Variants in DPF3 observed in about 807,000 individuals in gnomAD.
DPF3 encodes zinc finger protein DPF3.
Under a neutral mutation model 56.8 loss-of-function variants are expected in DPF3, and 18 were observed. The observed-to-expected ratio is 0.32, with a 90% CI of 0.22 to 0.47. DPF3 has a LOEUF of 0.47. Among genes scored for constraint, DPF3 ranks in the 20% least tolerant of loss-of-function variants. The pLI, the probability that DPF3 is intolerant of heterozygous loss-of-function variation, is 1.00. For synonymous variants in DPF3, 188 were observed against 180.2 expected (o/e 1.04, Z -0.35); for missense variants, 403 against 488.8 (o/e 0.82, Z 1.65).
intron 7 of DPF3, among the ~76,000 whole-genome samples, chr14:72,678,880 A>C (rs931874663): frequency 2.6e-5 from 4 of 152,218 alleles, no homozygotes; most frequent in African/African-American, 2.4e-5. Context: ...GAGGGAGATA[A>C]CTCTAAAAAG....
chr14:72,723,753 A>T, intron 4 of DPF3, 25 bp from the exon 5 acceptor site: 1 of 1,564,970 alleles, frequency 6.4e-7, no homozygotes, highest in South Asian at 1.2e-5. Flanking sequence ...AAAAATAGAA[A>T]AGGTGAGAAA....
intron 8 of DPF3, among the ~76,000 whole-genome samples, chr14:72,636,806 A>G (rs1567185714): frequency 6.6e-6 from 1 of 152,222 alleles, no homozygotes; most frequent in South Asian, 2.1e-4. Flanking sequence ...AGGCATCTGA[A>G]TGGCTCCCTT....
intron 7 of DPF3, among the ~76,000 whole-genome samples, chr14:72,688,359 T>C (rs1887525733): frequency 6.6e-6 from 1 of 151,764 alleles, no homozygotes; most frequent in East Asian, 1.9e-4. Flanking sequence ...GATGGATGGA[T>C]GCATGGATGG....
intron 9 of DPF3, among the ~76,000 whole-genome samples, chr14:72,626,447 T>C (rs1884834190): frequency 6.6e-6 from 1 of 152,130 alleles, no homozygotes; most frequent in Non-Finnish European, 1.5e-5. Flanking sequence ...AGATATTCTA[T>C]TTTACTTTGC....
intron 1 of DPF3, among the ~76,000 whole-genome samples, chr14:72,814,120 G>T (rs17181902): frequency 0.047 from 7,215 of 152,132 alleles, 246 homozygotes; most frequent in Non-Finnish European, 0.076. Flanking sequence ...CATGTTGCAG[G>T]CGACGTGGCC....
chr14:72,771,549 C>T lies in DPF3; in HGVS notation c.193+184G>A, dbSNP rs550045733. On this transcript the variant is annotated intron_variant, in intron 2 of 10. Transcript: ENST00000556509. ...GCCCCACACCATCCTTGTCACATTC[C>T]TTGAAACACCTGCCAGGAGCCATAA... Among the ~76,000 whole-genome samples, 56 of 149,474 alleles carry T rather than the reference C, an allele frequency of 3.7e-4. No individual in the cohort carries two copies. In the South Asian group the frequency reaches 0.012, roughly 32 times the overall value.
intron 1 of DPF3, among the ~76,000 whole-genome samples, chr14:72,853,761 G>C (rs150234896): frequency 6.6e-6 from 1 of 152,020 alleles, no homozygotes; most frequent in Non-Finnish European, 1.5e-5. Flanking sequence ...CACCATGCCC[G>C]GCCTGCTACC....
At chr14:72,719,801 A>G (rs927725678) in intron 5 of DPF3, among the ~76,000 whole-genome samples, 1 of 152,176 alleles carries the variant, frequency 6.6e-6, no homozygotes, top group African/African-American at 2.4e-5. Flanking sequence ...CTTACTGATG[A>G]AGAAACTGAG....
In DPF3 at chr14:72,662,415, G is replaced by A; in HGVS notation, c.871+11825C>T. 4 of 984,852 alleles carry A rather than the reference G, an allele frequency of 4.1e-6. No homozygotes were observed. In the South Asian group the frequency reaches 1.9e-4, roughly 46 times the overall value. The allele number at this position is 984,852 out of a possible 1,614,324, so 61.0% of individuals were successfully genotyped here. A position where few individuals can be genotyped will look rare whatever the true frequency, so the allele number is the denominator to read the frequency against. On this transcript the variant is annotated intron_variant, in intron 8 of 10. Transcript: ENST00000556509. ...ACTTTAAACAAAAATACTGTGCCATGTCAGCACTTTTTTCCTTTTAAATAT... is the reference window on the plus strand; with the variant it reads ...ACTTTAAACAAAAATACTGTGCCATATCAGCACTTTTTTCCTTTTAAATAT...
chr14:72,670,164 T>G, intron 8 of DPF3: 1 of 985,842 alleles, frequency 1.0e-6, no homozygotes, highest in Middle Eastern at 5.2e-4. Context: ...ATACGTTTCT[T>G]AACAGGGGCA....
chr14:72,660,242 AC>A (rs1384440400), intron 8 of DPF3, among the ~76,000 whole-genome samples: 7 of 152,086 alleles, frequency 4.6e-5, no homozygotes, highest in African/African-American at 1.7e-4. Flanking sequence ...GAAAAAAAAA[AC>A]CCTAAGGAGG....
chr14:72,778,004 C>T (rs1434898931), intron 1 of DPF3, among the ~76,000 whole-genome samples: 1 of 152,082 alleles, frequency 6.6e-6, no homozygotes, highest in African/African-American at 2.4e-5. Flanking sequence ...GGATTAGGGC[C>T]CATATAAGGC....
rs185725536 is a variant in DPF3, at chr14:72,802,001, C to T, written c.33-30108G>A. ...CCAGGCATCCACCTTTGGGGTGACT[C>T]AGAGCCAAGAAAACAAAGGCATGGG... On this transcript the variant is annotated intron_variant, in intron 1 of 10. Transcript: ENST00000556509. 1.6e-4 allele frequency among the ~76,000 whole-genome samples: 24 copies of T among 152,290 alleles called. 1 individual carries two copies. The East Asian group carries it at 4.1e-3, about 26-fold the overall frequency.
chr14:72,811,028 A>G (rs1387450097), intron 1 of DPF3, among the ~76,000 whole-genome samples: 1 of 152,212 alleles, frequency 6.6e-6, no homozygotes, highest in African/African-American at 2.4e-5. Context: ...AGGAAGCTAC[A>G]ATCATGGCGG....
intron 3 of DPF3, among the ~76,000 whole-genome samples, chr14:72,735,309 T>C (rs1335164512): frequency 6.6e-6 from 1 of 152,208 alleles, no homozygotes; most frequent in African/African-American, 2.4e-5. Context: ...ATGTTCACCA[T>C]TCTGCGACAG....
intron 1 of DPF3, among the ~76,000 whole-genome samples, chr14:72,844,398 A>G (rs1162301287): frequency 2.0e-5 from 3 of 152,118 alleles, no homozygotes; most frequent in African/African-American, 7.2e-5. Context: ...TGGAGGGGGG[A>G]AAATTCCCCG....
At chr14:72,640,034 G>A (rs181977187) in intron 8 of DPF3, among the ~76,000 whole-genome samples, 5 of 62,148 alleles carry the variant, frequency 8.0e-5, no homozygotes, top group Admixed American at 2.4e-4. Flanking sequence ...GGATAAATAG[G>A]AGTTTTCTAA....
At chr14:72,709,556 T>C (rs539257304) in intron 6 of DPF3, among the ~76,000 whole-genome samples, 1 of 152,284 alleles carries the variant, frequency 6.6e-6, no homozygotes, top group East Asian at 1.9e-4. Context: ...GCGTTCTCAT[T>C]AATTAACTTT....
chr14:72,854,570 T>C (rs1885107325), intron 1 of DPF3, among the ~76,000 whole-genome samples: 1 of 152,218 alleles, frequency 6.6e-6, no homozygotes, highest in Non-Finnish European at 1.5e-5. Flanking sequence ...GATAAGCTGA[T>C]AAGAAAATCC....
Sources: gnomAD v4.1 joint callset for allele counts (sites outside exome capture counted in the v4.1 genomes callset) on GRCh38, gnomAD v4.1.1 for gene constraint, MANE v1.5 for transcripts, NCBI Gene and HGNC (gene_info 2026-07-23, HGNC 2026-07-21) for gene names.